The following CSMD1 variants were observed in gnomAD, a reference collection of about 807,000 sequenced individuals.
The protein encoded by CSMD1 is CUB and Sushi multiple domains 1, also known as CUB and sushi domain-containing protein 1.
A neutral mutation model predicts 417.5 loss-of-function variants in CSMD1; 213 were observed. That is an observed-to-expected ratio of 0.51 (90% CI 0.46 to 0.57). The LOEUF (loss-of-function observed/expected upper bound fraction) is 0.57. Among genes scored for constraint, CSMD1 ranks in the 20% least tolerant of loss-of-function variants. The pLI, the probability that CSMD1 is intolerant of heterozygous loss-of-function variation, is 0.00. For missense variants in CSMD1, 6,923 were observed against 4,529.7 expected, an observed-to-expected ratio of 1.53 and a Z score of -15.17; for synonymous variants, 2,862 against 1,736.8, an observed-to-expected ratio of 1.65 and a Z score of -16.11.
intron 11 of CSMD1, among the ~76,000 whole-genome samples, chr8:3,487,478 G>A (rs1433850435): frequency 6.6e-6 from 1 of 152,170 alleles, no homozygotes; most frequent in Non-Finnish European, 1.5e-5. Flanking sequence ...TGGGATTACA[G>A]GCATGAGCCA....
At chr8:4,770,269 T>A (rs1038207772) in intron 1 of CSMD1, among the ~76,000 whole-genome samples, 4 of 148,234 alleles carry the variant, frequency 2.7e-5, no homozygotes, top group African/African-American at 9.8e-5. Context: ...ATATAAAATT[T>A]GTAAATATAT....
chr8:3,784,784 A>G (rs1799362166), intron 5 of CSMD1, among the ~76,000 whole-genome samples: 1 of 152,178 alleles, frequency 6.6e-6, no homozygotes, highest in South Asian at 2.1e-4. Context: ...TTCCACTCAT[A>G]TTTACATCAT....
At chr8:4,067,022 A>G (rs777830460) in intron 3 of CSMD1, among the ~76,000 whole-genome samples, 1 of 152,264 alleles carries the variant, frequency 6.6e-6, no homozygotes, top group African/African-American at 2.4e-5. Flanking sequence ...ATGAGCTCTT[A>G]GTTTTGTGTA....
At chr8:3,548,907 C>T (rs890324718) in intron 10 of CSMD1, among the ~76,000 whole-genome samples, 4 of 152,116 alleles carry the variant, frequency 2.6e-5, no homozygotes, top group Middle Eastern at 3.2e-3. Flanking sequence ...CCCTTCTCAC[C>T]TGGTGGTCAC....
chr8:4,536,491 G>C (rs539352714), intron 2 of CSMD1, among the ~76,000 whole-genome samples: 1 of 151,962 alleles, frequency 6.6e-6, no homozygotes, highest in Non-Finnish European at 1.5e-5. Context: ...TCTCTACCTT[G>C]TCTTTTTCTC....
intron 1 of CSMD1, among the ~76,000 whole-genome samples, chr8:4,743,564 A>C (rs1047330270): frequency 6.6e-6 from 1 of 152,188 alleles, no homozygotes. Context: ...TTAACCACAG[A>C]GAGTGGCTAT....
chr8:3,918,012 T>A (rs1030198492), intron 5 of CSMD1, among the ~76,000 whole-genome samples: 1 of 152,286 alleles, frequency 6.6e-6, no homozygotes. Context: ...CGCATGCTGT[T>A]GCAAATGGCA....
chr8:4,416,035 G>A (rs1314319035), intron 3 of CSMD1, among the ~76,000 whole-genome samples: 2 of 152,096 alleles, frequency 1.3e-5, no homozygotes, highest in African/African-American at 4.8e-5. Context: ...ATTTCACTTA[G>A]ACAATTTCCG....
intron 2 of CSMD1, among the ~76,000 whole-genome samples, chr8:4,421,822 A>G (rs59275115): frequency 2.0e-5 from 3 of 151,996 alleles, no homozygotes; most frequent in South Asian, 2.1e-4. Flanking sequence ...AAAAAACAAG[A>G]AAAGTACAGA....
At chr8:4,339,490 G>A (rs1800356420) in intron 3 of CSMD1, among the ~76,000 whole-genome samples, 2 of 152,072 alleles carry the variant, frequency 1.3e-5, no homozygotes, top group African/African-American at 4.8e-5. Context: ...GGAGCTGAGT[G>A]ACAAAGAGTT....
chr8:2,994,457 G>A (rs1158608401), intron 54 of CSMD1, among the ~76,000 whole-genome samples: 6 of 152,144 alleles, frequency 3.9e-5, no homozygotes, highest in South Asian at 2.1e-4. Flanking sequence ...CAACTCAGCC[G>A]GGGCAGTGGA....
intron 5 of CSMD1, among the ~76,000 whole-genome samples, chr8:3,947,071 A>C (rs1811277937): frequency 6.6e-6 from 1 of 152,118 alleles, no homozygotes; most frequent in Admixed American, 6.6e-5. Context: ...TTACATGTTG[A>C]ATAGTTGTAA....
chr8:3,169,964 C>T (rs563846025), intron 37 of CSMD1, among the ~76,000 whole-genome samples: 10 of 152,184 alleles, frequency 6.6e-5, no homozygotes, highest in African/African-American at 2.2e-4. Context: ...CCCACCTCAT[C>T]TAAGAAAGTT....
At position 3,430,749 on chromosome 8, in the gene CSMD1, G is replaced by T. The variant is rs369909643; in HGVS notation, c.1562-21144C>A. Among the ~76,000 whole-genome samples the T allele has an allele frequency of 2.6e-5, 4 of 152,292 alleles. No homozygotes were observed. The East Asian group carries it at 5.8e-4, about 22-fold the overall frequency. Reference sequence around the variant, plus strand: ...CTGAACCCTGGAGGTGGAGGTTGCAGTGAGCAGCGATCATGGCCCTGAACT... The same window carrying T: ...CTGAACCCTGGAGGTGGAGGTTGCATTGAGCAGCGATCATGGCCCTGAACT... On this transcript the variant is annotated intron_variant, in intron 12 of 69. Coordinates refer to ENST00000635120, the MANE Select transcript of CSMD1 (RefSeq NM_033225.6).
At chr8:3,605,520 T>C (rs115277149) in intron 8 of CSMD1, among the ~76,000 whole-genome samples, 1 of 152,208 alleles carries the variant, frequency 6.6e-6, no homozygotes, top group African/African-American at 2.4e-5. Context: ...AAACTAGAAA[T>C]GAGCAGTTGT....
intron 17 of CSMD1, among the ~76,000 whole-genome samples, chr8:3,392,183 T>A (rs970288231): frequency 6.6e-6 from 1 of 151,766 alleles, no homozygotes; most frequent in African/African-American, 2.4e-5. Flanking sequence ...GTGCACCACA[T>A]CAACATGGCA....
chr8:3,008,187 G>C (rs1311289503), intron 52 of CSMD1, among the ~76,000 whole-genome samples: 3 of 152,174 alleles, frequency 2.0e-5, no homozygotes, highest in Non-Finnish European at 4.4e-5. Context: ...AAGAAGGCTC[G>C]AGAGGGAGGA....
At chr8:3,296,735 G>A (rs1165906661) in intron 25 of CSMD1, among the ~76,000 whole-genome samples, 1 of 152,156 alleles carries the variant, frequency 6.6e-6, no homozygotes, top group African/African-American at 2.4e-5. Flanking sequence ...GTGAGGATGT[G>A]CTGGCCCTGT....
chr8:3,056,770 A>G (rs6988191), intron 49 of CSMD1, among the ~76,000 whole-genome samples: 99,192 of 151,824 alleles, frequency 0.65, 32,683 homozygotes, highest in Non-Finnish European at 0.68. Flanking sequence ...TTAAATATGT[A>G]TACACATATG....
Sources: allele counts gnomAD v4.1 joint callset (sites outside exome capture counted in the v4.1 genomes callset), GRCh38; gene constraint gnomAD v4.1.1; transcripts MANE v1.5; gene names NCBI Gene and HGNC (gene_info 2026-07-23, HGNC 2026-07-21).